ROBO2: variants seen among roughly 807,000 people sequenced by gnomAD.
ROBO2 encodes the protein roundabout guidance receptor 2.
ROBO2 carries 53 observed loss-of-function variants against 160.8 expected under a neutral mutation model. The ratio of observed to expected loss-of-function variants is 0.33; its 90% CI spans 0.26 to 0.41. ROBO2 has a LOEUF of 0.41. Among genes scored for constraint, ROBO2 ranks in the 10% least tolerant of loss-of-function variants. The pLI, the probability that ROBO2 is intolerant of heterozygous loss-of-function variation, is 1.00. For missense variants in ROBO2, 1,577 were observed against 1,722.4 expected (o/e 0.92, Z 1.49); for synonymous variants, 664 against 611.7 (o/e 1.09, Z -1.26).
At chr3:77,317,205 A>G (rs1438076803) in intron 2 of ROBO2, 1 of 836,384 alleles carries the variant, frequency 1.2e-6, no homozygotes, top group Non-Finnish European at 2.1e-6. Context: ...TGGAAGGCCC[A>G]GCAGTGTGGA....
intron 1 of ROBO2, among the ~76,000 whole-genome samples, chr3:75,911,562 T>G (rs989427551): frequency 8.2e-5 from 11 of 134,644 alleles, no homozygotes; most frequent in Non-Finnish European, 1.6e-4. Context: ...CTTTTTTTTT[T>G]TTTTTTTTTT....
intron 2 of ROBO2, among the ~76,000 whole-genome samples, chr3:77,134,251 CAG>C (rs2076094112): frequency 6.6e-6 from 1 of 152,082 alleles, no homozygotes; most frequent in Non-Finnish European, 1.5e-5. Flanking sequence ...GCTATTTCCA[CAG>C]AGTCTTTTTG....
chr3:77,361,305 T>C (rs1057117410), intron 2 of ROBO2, among the ~76,000 whole-genome samples: 4 of 152,212 alleles, frequency 2.6e-5, no homozygotes, highest in Non-Finnish European at 4.4e-5. Flanking sequence ...TACAAAAAAG[T>C]ATTTGTTATT....
intron 1 of ROBO2, among the ~76,000 whole-genome samples, chr3:77,069,167 C>T (rs2067156835): frequency 6.6e-6 from 1 of 152,050 alleles, no homozygotes; most frequent in African/African-American, 2.4e-5. Context: ...TATAAGGGCA[C>T]TACGTGTGCT....
intron 2 of ROBO2, among the ~76,000 whole-genome samples, chr3:77,330,554 A>C (rs970395700): frequency 6.6e-6 from 1 of 152,232 alleles, no homozygotes; most frequent in Admixed American, 6.5e-5. Context: ...GATTATACTT[A>C]TACTTGAGTA....
chr3:76,281,991 C>T (rs1389255368), intron 2 of ROBO2, among the ~76,000 whole-genome samples: 1 of 151,932 alleles, frequency 6.6e-6, no homozygotes, highest in Admixed American at 6.6e-5. Context: ...GAAAGCTCTT[C>T]AAGATAAGAC....
intron 2 of ROBO2, among the ~76,000 whole-genome samples, chr3:77,371,914 A>G (rs149916116): frequency 6.6e-4 from 101 of 152,364 alleles, no homozygotes; most frequent in African/African-American, 2.4e-3. Flanking sequence ...CTTGTAATGA[A>G]TAACAGAATA....
Position 76,673,065 on chromosome 3 carries a change from A to C in ROBO2, c.110-424949A>C, listed in dbSNP as rs140013889. 3.8e-3 allele frequency among the ~76,000 whole-genome samples: 573 copies of C among 152,234 alleles called. 1 individual carries two copies. Among genetic ancestry groups the C allele is most frequent in the Non-Finnish European group, 6.5e-3 (443 of 68,022 alleles). ...AGTAATGGTGGGGAAATAGCAGCTA[A>C]TGCTTTCCAGGTTTTCCTAAATCCA... On this transcript the variant is annotated intron_variant, in intron 2 of 26. Transcript: ENST00000487694.
chr3:76,593,932 T>G (rs887112369), intron 2 of ROBO2, among the ~76,000 whole-genome samples: 6 of 152,004 alleles, frequency 3.9e-5, no homozygotes, highest in African/African-American at 1.4e-4. Flanking sequence ...CATCTTTCAT[T>G]AAAAACATAA....
chr3:77,521,675 C>A (rs964749874), intron 5 of ROBO2, among the ~76,000 whole-genome samples: 2 of 151,176 alleles, frequency 1.3e-5, no homozygotes, highest in African/African-American at 4.8e-5. Context: ...ATAGACAATG[C>A]TTTTTCTCAT....
chr3:77,195,895 G>A lies in ROBO2; in HGVS notation c.388+97555G>A, dbSNP rs115959456. Among the ~76,000 whole-genome samples, 1,255 of 152,288 alleles carry A rather than the reference G, an allele frequency of 8.2e-3. 19 individuals are homozygous for A. Among genetic ancestry groups the A allele is most frequent in the African/African-American group, 0.029 (1,189 of 41,546 alleles). ...GGCTAGGCAAGTATTGCGCTGATGA[G>A]CCAGGGACTGCCCACCAATTGGCAG... is the stretch of plus-strand genomic sequence containing the variant. On this transcript the variant is annotated intron_variant, in intron 2 of 25. Transcript: ENST00000461745.
At chr3:76,753,682 C>T (rs267110) in intron 2 of ROBO2, among the ~76,000 whole-genome samples, 25,678 of 151,760 alleles carry the variant, frequency 0.17, 2,503 homozygotes, top group Non-Finnish European at 0.22. Flanking sequence ...AAAAAGAGAC[C>T]ATTGCTATTT....
intron 2 of ROBO2, among the ~76,000 whole-genome samples, chr3:77,467,620 T>TA (rs2082910204): frequency 6.6e-6 from 1 of 150,428 alleles, no homozygotes; most frequent in African/African-American, 2.4e-5. Context: ...TCTATCTATC[T>TA]ATCTATCTAT....
At chr3:77,419,152 C>T (rs138651961) in intron 2 of ROBO2, among the ~76,000 whole-genome samples, 124 of 151,896 alleles carry the variant, frequency 8.2e-4, no homozygotes, top group African/African-American at 2.9e-3. Flanking sequence ...CTATAAAGGC[C>T]CAAGGCAACA....
intron 2 of ROBO2, among the ~76,000 whole-genome samples, chr3:76,367,659 T>G (rs578084975): frequency 2.6e-5 from 4 of 152,064 alleles, no homozygotes; most frequent in African/African-American, 9.6e-5. Context: ...CCATTTACAT[T>G]GTTCAAGTGG....
intron 2 of ROBO2, among the ~76,000 whole-genome samples, chr3:76,729,393 A>C (rs1310754959): frequency 6.6e-6 from 1 of 152,012 alleles, no homozygotes; most frequent in Non-Finnish European, 1.5e-5. Flanking sequence ...ATAATTCACC[A>C]CTCTAATAGT....
chr3:77,298,041 T>C (rs915198862), intron 2 of ROBO2, among the ~76,000 whole-genome samples: 2 of 152,106 alleles, frequency 1.3e-5, no homozygotes, highest in Non-Finnish European at 2.9e-5. Flanking sequence ...TTGTGGGTTA[T>C]TCTGCAAATC....
chr3:76,819,072 A>T (rs994326421), intron 2 of ROBO2, among the ~76,000 whole-genome samples: 3 of 152,048 alleles, frequency 2.0e-5, no homozygotes, highest in Non-Finnish European at 4.4e-5. Flanking sequence ...TTTAACAAAT[A>T]TTTTTGACTG....
chr3:76,427,685 G>T (rs11705983), intron 2 of ROBO2, among the ~76,000 whole-genome samples: 9,974 of 152,150 alleles, frequency 0.066, 367 homozygotes, highest in Non-Finnish European at 0.089. Flanking sequence ...ACATTTTGTT[G>T]CTTACTATGA....
Sources: allele counts gnomAD v4.1 joint callset (sites outside exome capture counted in the v4.1 genomes callset), GRCh38; gene constraint gnomAD v4.1.1; transcripts MANE v1.5; gene names NCBI Gene and HGNC (gene_info 2026-07-23, HGNC 2026-07-21).